Variants in MARCHF3 observed in about 807,000 individuals in gnomAD.
MARCHF3 encodes the protein membrane associated ring-CH-type finger 3.
In MARCHF3, 13 loss-of-function variants were observed where a neutral mutation model predicts 24.2. The observed-to-expected ratio is 0.54, with a 90% confidence interval of 0.35 to 0.85. The LOEUF is 0.85. MARCHF3 is among the 40% of genes least tolerant of loss of function. The pLI is 0.01. For synonymous variants in MARCHF3, 144 were observed against 137.3 expected (o/e 1.05, Z -0.34); for missense variants, 276 against 325.0 (o/e 0.85, Z 1.16).
At chr5:126,910,924 T>C (rs972391411) in intron 3 of MARCHF3, among the ~76,000 whole-genome samples, 4 of 152,218 alleles carry the variant, frequency 2.6e-5, no homozygotes, top group South Asian at 4.1e-4. Context: ...GGAACATCCC[T>C]GAGAAATAGA....
intron 3 of MARCHF3, among the ~76,000 whole-genome samples, chr5:126,896,011 G>A (rs146816403): frequency 6.6e-6 from 1 of 152,150 alleles, no homozygotes; most frequent in Non-Finnish European, 1.5e-5. Context: ...ATATAATCTG[G>A]TGCGCCGTTT....
At chr5:126,969,388 AT>A (rs1322069489) in intron 1 of MARCHF3, among the ~76,000 whole-genome samples, 1 of 152,178 alleles carries the variant, frequency 6.6e-6, no homozygotes, top group African/African-American at 2.4e-5. Flanking sequence ...GTATATTACT[AT>A]TTAGGTAAAT....
At chr5:127,000,472 A>C (rs1752091235) in intron 1 of MARCHF3, among the ~76,000 whole-genome samples, 1 of 152,196 alleles carries the variant, frequency 6.6e-6, no homozygotes, top group South Asian at 2.1e-4. Flanking sequence ...TAAACCCAAC[A>C]GTACCAAGTC....
At chr5:127,019,784 G>C (rs917055851) in intron 1 of MARCHF3, among the ~76,000 whole-genome samples, 2 of 152,230 alleles carry the variant, frequency 1.3e-5, no homozygotes, top group African/African-American at 4.8e-5. Flanking sequence ...TACTGTTTAT[G>C]TCAATTTGAG....
At chr5:126,872,457 A>G (rs1179560625) in intron 4 of MARCHF3, among the ~76,000 whole-genome samples, 1 of 152,194 alleles carries the variant, frequency 6.6e-6, no homozygotes, top group Non-Finnish European at 1.5e-5. Context: ...GGACCGTCCA[A>G]GAAATTCAGA....
At chr5:126,998,277 C>T (rs1752010957) in intron 1 of MARCHF3, among the ~76,000 whole-genome samples, 1 of 152,206 alleles carries the variant, frequency 6.6e-6, no homozygotes, top group Non-Finnish European at 1.5e-5. Flanking sequence ...GGACCATCTG[C>T]TGATCAGTAA....
rs116197723 is a variant in MARCHF3, at chr5:126,975,732, C to T, written c.-57+54618G>A. Among the ~76,000 whole-genome samples, 404 of 152,254 alleles carry T rather than the reference C, an allele frequency of 2.7e-3. 3 individuals are homozygous for T. Among genetic ancestry groups the T allele is most frequent in the African/African-American group, 9.1e-3 (378 of 41,546 alleles). ...TGAAGGGCAGTAGACTTCTAAATAG[C>T]GAGTTGAGGTCCATGTGGGTGAAGC... is the stretch of plus-strand genomic sequence containing the variant. On this transcript the variant is annotated intron_variant, in intron 1 of 4. Coordinates refer to ENST00000308660, the MANE Select transcript of MARCHF3 (RefSeq NM_178450.5).
chr5:126,933,403 A>ACAGAAT, intron 1 of MARCHF3, among the ~76,000 whole-genome samples: 1 of 151,766 alleles, frequency 6.6e-6, no homozygotes, highest in East Asian at 1.9e-4. Context: ...AAATTCAATA[A>ACAGAAT]CAGAATTTTC....
intron 1 of MARCHF3, among the ~76,000 whole-genome samples, chr5:126,961,161 A>T (rs937537216): frequency 6.6e-6 from 1 of 152,138 alleles, no homozygotes; most frequent in Non-Finnish European, 1.5e-5. Flanking sequence ...CATATGTCTG[A>T]ATCCCAGAAG....
intron 3 of MARCHF3, among the ~76,000 whole-genome samples, chr5:126,895,920 G>C (rs1329671635): frequency 6.6e-6 from 1 of 152,130 alleles, no homozygotes; most frequent in Non-Finnish European, 1.5e-5. Flanking sequence ...CCTTGCTGTG[G>C]CCTTGCAGTT....
intron 1 of MARCHF3, among the ~76,000 whole-genome samples, chr5:126,924,870 G>A (rs989999021): frequency 6.6e-6 from 1 of 152,220 alleles, no homozygotes; most frequent in African/African-American, 2.4e-5. Flanking sequence ...TGGCAGGGCT[G>A]TGCTTACAGA....
At chr5:127,021,271 T>C (rs1376559382) in intron 1 of MARCHF3, among the ~76,000 whole-genome samples, 4 of 151,948 alleles carry the variant, frequency 2.6e-5, no homozygotes, top group Non-Finnish European at 5.9e-5. Flanking sequence ...GAGGTGGGGG[T>C]TAGAAATGAA....
intron 1 of MARCHF3, among the ~76,000 whole-genome samples, chr5:126,989,286 CTACTACTACTACTACTACTAG>C (rs1359666681): frequency 2.0e-5 from 3 of 147,546 alleles, no homozygotes; most frequent in African/African-American, 7.7e-5. Flanking sequence ...CTCTAGAATA[CTACTACTACTACTACTACTAG>C]TACTACTACT....
intron 1 of MARCHF3, among the ~76,000 whole-genome samples, chr5:126,981,449 T>C (rs1325250624): frequency 3.9e-5 from 6 of 152,218 alleles, no homozygotes; most frequent in Non-Finnish European, 8.8e-5. Context: ...CCTAACTTAG[T>C]AAGACGAGTC....
At chr5:126,889,105 C>T (rs1313865209) in intron 3 of MARCHF3, among the ~76,000 whole-genome samples, 1 of 152,102 alleles carries the variant, frequency 6.6e-6, no homozygotes, top group Non-Finnish European at 1.5e-5. Flanking sequence ...CTCTCATTCC[C>T]CTGATCTTGC....
At chr5:126,949,881 C>T (rs1252520394) in intron 1 of MARCHF3, among the ~76,000 whole-genome samples, 1 of 152,138 alleles carries the variant, frequency 6.6e-6, no homozygotes, top group Non-Finnish European at 1.5e-5. Flanking sequence ...AAAGAGATAG[C>T]TTCTGTGATC....
At chr5:127,000,674 G>A (rs1158308528) in intron 1 of MARCHF3, among the ~76,000 whole-genome samples, 1 of 152,112 alleles carries the variant, frequency 6.6e-6, no homozygotes, top group African/African-American at 2.4e-5. Context: ...TGACTCTTGA[G>A]TTTGCCCTTT....
intron 1 of MARCHF3, among the ~76,000 whole-genome samples, chr5:126,999,011 A>G (rs1057209718): frequency 6.6e-6 from 1 of 152,092 alleles, no homozygotes; most frequent in East Asian, 1.9e-4. Context: ...CCTCTCAGCA[A>G]CCCCTCTCAA....
At chr5:127,023,117 G>C (rs1346580508) in intron 1 of MARCHF3, among the ~76,000 whole-genome samples, 1 of 152,212 alleles carries the variant, frequency 6.6e-6, no homozygotes, top group Non-Finnish European at 1.5e-5. Context: ...TGACTATGTA[G>C]AGGGTGCTTT....
Sources: gnomAD v4.1 joint callset for allele counts (sites outside exome capture counted in the v4.1 genomes callset) on GRCh38, gnomAD v4.1.1 for gene constraint, MANE v1.5 for transcripts, NCBI Gene and HGNC (gene_info 2026-07-23, HGNC 2026-07-21) for gene names.